The following MALRD1 variants were observed in gnomAD, a reference collection of about 807,000 sequenced individuals.
MALRD1 encodes the protein MAM and LDL-receptor class A domain-containing protein 1.
MALRD1 carries 247 observed loss-of-function variants against 242.1 expected under a neutral mutation model. The ratio of observed to expected loss-of-function variants is 1.02; its 90% CI spans 0.92 to 1.13. MALRD1 has a LOEUF of 1.13. Among genes scored for constraint, MALRD1 ranks in the 50% most tolerant of loss-of-function variants. MALRD1 has a pLI of 0.00. For missense variants in MALRD1, 2,989 were observed against 2,533.1 expected, an observed-to-expected ratio of 1.18 and a Z score of -3.86; for synonymous variants, 995 against 866.6, an observed-to-expected ratio of 1.15 and a Z score of -2.60.
chr10:19,392,897 T>C (rs1343742902), intron 28 of MALRD1, among the ~76,000 whole-genome samples: 1 of 152,178 alleles, frequency 6.6e-6, no homozygotes, highest in Non-Finnish European at 1.5e-5. Context: ...CACTCTCTGC[T>C]TCAACCAAGC....
rs927469072 is a variant in MALRD1 at position 19,115,832 on chromosome 10, C to T, written c.695-7660C>T. ...CAGAGGTTGCAGTGAGCTGAGATCA[C>T]GGCACTGCACTCCAGCCTGGGTGAC... On this transcript the variant is annotated intron_variant, in intron 5 of 39. Transcript: ENST00000454679. Among the ~76,000 whole-genome samples the T allele has an allele frequency of 5.9e-5, 9 of 152,010 alleles. No individual in the cohort carries two copies. In the South Asian group the frequency reaches 1.2e-3, roughly 21 times the overall value.
intron 24 of MALRD1, among the ~76,000 whole-genome samples, chr10:19,332,236 CT>C (rs986203846): frequency 2.7e-5 from 4 of 147,942 alleles, no homozygotes; most frequent in Non-Finnish European, 5.9e-5. Flanking sequence ...TCATGCAGGA[CT>C]GGTGAGCCTG....
At chr10:19,220,598 G>A (rs899885996) in intron 18 of MALRD1, among the ~76,000 whole-genome samples, 18 of 152,282 alleles carry the variant, frequency 1.2e-4, no homozygotes, top group African/African-American at 4.3e-4. Context: ...CAACTAGCTT[G>A]AGAAGAACTT....
chr10:19,444,704 G>A (rs544926727), intron 28 of MALRD1, among the ~76,000 whole-genome samples: 1 of 152,118 alleles, frequency 6.6e-6, no homozygotes. Context: ...CATCCCTTTC[G>A]TGGGTAACCC....
At chr10:19,242,270 T>A (rs1394564769) in intron 18 of MALRD1, among the ~76,000 whole-genome samples, 1 of 152,158 alleles carries the variant, frequency 6.6e-6, no homozygotes, top group Non-Finnish European at 1.5e-5. Flanking sequence ...ACGTATTCAC[T>A]ACCACAAGAA....
intron 5 of MALRD1, among the ~76,000 whole-genome samples, chr10:19,120,285 GAAGAAAATATTTC>G (rs1160675864): frequency 6.6e-6 from 1 of 152,048 alleles, no homozygotes; most frequent in Non-Finnish European, 1.5e-5. Flanking sequence ...AAAGCCTGGT[GAAGAAAATATTTC>G]AAGAAAAAGG....
intron 38 of MALRD1, among the ~76,000 whole-genome samples, chr10:19,728,249 T>A (rs889755873): frequency 1.3e-5 from 2 of 152,210 alleles, no homozygotes; most frequent in Non-Finnish European, 2.9e-5. Flanking sequence ...CTCTTAAATA[T>A]CATCTTCCTT....
At chr10:19,051,747 C>T (rs1258969488) in intron 1 of MALRD1, 1 of 155,064 alleles carries the variant, frequency 6.4e-6, no homozygotes, top group African/African-American at 2.4e-5. Context: ...ACGGTGAAAC[C>T]CCGTCTCTAT....
chr10:19,189,338 G>T (rs969748297), intron 14 of MALRD1, among the ~76,000 whole-genome samples: 1 of 152,008 alleles, frequency 6.6e-6, no homozygotes, highest in Non-Finnish European at 1.5e-5. Flanking sequence ...ACAAAGTAAA[G>T]CCCTGGAACT....
intron 36 of MALRD1, among the ~76,000 whole-genome samples, chr10:19,662,213 C>T (rs1328093767): frequency 1.3e-5 from 2 of 152,026 alleles, no homozygotes; most frequent in South Asian, 2.1e-4. Context: ...AACACTATTT[C>T]GTATTTATAA....
intron 36 of MALRD1, among the ~76,000 whole-genome samples, chr10:19,648,368 CA>C (rs1840734623): frequency 6.6e-6 from 1 of 152,078 alleles, no homozygotes; most frequent in African/African-American, 2.4e-5. Flanking sequence ...ATCATTACAA[CA>C]AAGACTAAAA....
At position 19,592,763 on chromosome 10, in the gene MALRD1, G is replaced by GCGCA. The variant is rs1285448809; in HGVS notation, c.5681-2430_5681-2429insGCAC. On this transcript the variant is annotated intron_variant, in intron 33 of 39. Transcript: ENST00000454679. ...CACACACACACACACACACACACACGCACGCACACACACACACACACACAC... is the reference window on the plus strand; with the variant it reads ...CACACACACACACACACACACACACGCGCACACGCACACACACACACACACACAC... Among the ~76,000 whole-genome samples, 17 of 93,314 alleles carry GCGCA rather than the reference G, an allele frequency of 1.8e-4. 1 individual carries two copies. Among genetic ancestry groups the GCGCA allele is most frequent in the East Asian group, 4.0e-4 (1 of 2,502 alleles). The allele number at this position is 93,314 out of a possible 152,430, so 61.2% of individuals were successfully genotyped here. A position where few individuals can be genotyped will look rare whatever the true frequency, so the allele number is the denominator to read the frequency against.
At chr10:19,136,232 A>G (rs866863061) in intron 9 of MALRD1, among the ~76,000 whole-genome samples, 2 of 152,342 alleles carry the variant, frequency 1.3e-5, no homozygotes, top group African/African-American at 4.8e-5. Flanking sequence ...ATGACCAAGT[A>G]ACAAGTTTGC....
chr10:19,458,467 A>G (rs1835774403), intron 29 of MALRD1, among the ~76,000 whole-genome samples: 1 of 152,186 alleles, frequency 6.6e-6, no homozygotes, highest in Non-Finnish European at 1.5e-5. Flanking sequence ...ACTGGTTTTT[A>G]TTGATTGAAG....
At chr10:19,671,612 C>T (rs567524011) in intron 36 of MALRD1, among the ~76,000 whole-genome samples, 3 of 151,938 alleles carry the variant, frequency 2.0e-5, no homozygotes, top group African/African-American at 4.8e-5. Context: ...GGTGACACAG[C>T]GAGACTCCGT....
chr10:19,193,841 A>AAT (rs55923609), intron 14 of MALRD1, among the ~76,000 whole-genome samples: 43,474 of 149,490 alleles, frequency 0.29, 6,697 homozygotes, highest in South Asian at 0.61. Flanking sequence ...GGGGAAAAAA[A>AAT]ATATATATAT....
chr10:19,604,120 T>C (rs1323341530), intron 34 of MALRD1, among the ~76,000 whole-genome samples: 1 of 152,182 alleles, frequency 6.6e-6, no homozygotes, highest in South Asian at 2.1e-4. Context: ...AAGCTGGGCC[T>C]CTTGCTCCAA....
intron 21 of MALRD1, among the ~76,000 whole-genome samples, chr10:19,283,714 TA>T (rs1344662972): frequency 1.3e-5 from 2 of 152,240 alleles, no homozygotes; most frequent in African/African-American, 4.8e-5. Context: ...TGCCATTAAA[TA>T]TTCATCATTA....
chr10:19,175,413 C>T (rs903001983), intron 14 of MALRD1, 85 bp downstream of exon 14: 85 of 987,386 alleles, frequency 8.6e-5, no homozygotes, highest in Middle Eastern at 4.1e-4. Context: ...ATTAGAGTCA[C>T]GAATACCTAA....
Sources: gnomAD v4.1 joint callset for allele counts (sites outside exome capture counted in the v4.1 genomes callset) on GRCh38, gnomAD v4.1.1 for gene constraint, MANE v1.5 for transcripts, NCBI Gene and HGNC (gene_info 2026-07-23, HGNC 2026-07-21) for gene names.